Variants in STRA8 observed in about 807,000 individuals in gnomAD.
STRA8 encodes the protein stimulated by retinoic acid 8.
STRA8 carries 18 observed loss-of-function variants against 37.1 expected under a neutral mutation model. The ratio of observed to expected loss-of-function variants is 0.48; its 90% CI spans 0.34 to 0.72. The LOEUF (loss-of-function observed/expected upper bound fraction) is 0.72, where lower values mean the gene tolerates loss of function less well. Among genes scored for constraint, STRA8 ranks in the 30% least tolerant of loss-of-function variants. The pLI, the probability that STRA8 is intolerant of heterozygous loss-of-function variation, is 0.01. For synonymous variants in STRA8, 168 were observed against 162.9 expected (o/e 1.03, Z -0.24); for missense variants, 357 against 410.4 (o/e 0.87, Z 1.13).
intron 1 of STRA8, among the ~76,000 whole-genome samples, chr7:135,235,533 C>T (rs1434432125): frequency 6.6e-6 from 1 of 151,836 alleles, no homozygotes. Context: ...CCTCCAACTC[C>T]TGGGTTCAAG....
chr7:135,236,425 C>CTCATCCCA (rs1302439510), intron 1 of STRA8, among the ~76,000 whole-genome samples: 1 of 152,172 alleles, frequency 6.6e-6, no homozygotes, highest in African/African-American at 2.4e-5. Flanking sequence ...CCTTTACCAG[C>CTCATCCCA]TCATCCCATC....
chr7:135,233,054 T>C (rs1394917021), upstream of STRA8, among the ~76,000 whole-genome samples: 1 of 152,128 alleles, frequency 6.6e-6, no homozygotes, highest in Non-Finnish European at 1.5e-5. Context: ...GTCAACCAGA[T>C]ATAGTGGGAT....
At chr7:135,239,816 G>C (rs1018247826) in intron 1 of STRA8, among the ~76,000 whole-genome samples, 1 of 151,960 alleles carries the variant, frequency 6.6e-6, no homozygotes, top group African/African-American at 2.4e-5. Context: ...AGGCAAAATG[G>C]GTTTCAGTTC....
At chr7:135,245,050 C>T (rs545507586) in intron 4 of STRA8, among the ~76,000 whole-genome samples, 12 of 152,226 alleles carry the variant, frequency 7.9e-5, no homozygotes, top group African/African-American at 2.9e-4. Flanking sequence ...GCTTTTTCTG[C>T]ATCTATTGAG....
intron 2 of STRA8, among the ~76,000 whole-genome samples, 197 bp downstream of exon 2, chr7:135,240,913 G>A (rs1477838577): frequency 6.6e-6 from 1 of 152,152 alleles, no homozygotes; most frequent in East Asian, 1.9e-4. Flanking sequence ...TGAAGTCCAA[G>A]ACAAAGGTGC....
Position 135,258,463 on chromosome 7 carries a change from A to C in STRA8, c.1111A>C (p.Thr371Pro). Residue 371 changes from threonine (T) to proline (P), a missense_variant, in exon 9 of 9, where the codon ACA becomes CCA. Transcript: ENST00000662584. ...TGAAGAGATGATCATGTTGCAGTGC[A>C]CAGAGACCTTTGACGATGAAGATTT... The part of the protein sequence containing the change: ...VDEEMIMLQC[T>P]ETFDDEDL The C allele has an allele frequency of 6.2e-7, 1 of 1,606,432 alleles. No individual in the cohort carries two copies. Among genetic ancestry groups the C allele is most frequent in the Non-Finnish European group, 8.5e-7 (1 of 1,176,316 alleles).
chr7:135,258,585 C>T lies in STRA8; in HGVS notation c.*93C>T. The T allele has an allele frequency of 1.0e-6, 1 of 1,001,030 alleles. No individual in the cohort carries two copies. The allele number at this position is 1,001,030 out of a possible 1,614,324, so 62.0% of individuals were successfully genotyped here. On this transcript the variant is annotated 3_prime_UTR_variant, in exon 9 of 9. Transcript: ENST00000662584. ...GCTAAGGTTGCACCTGCCTTGGCCT[C>T]CAGGACTCTTTGGAGTGGGTTGTTC... is the stretch of plus-strand genomic sequence containing the variant.
intron 4 of STRA8, among the ~76,000 whole-genome samples, chr7:135,244,692 CCCT>C (rs1168321151): frequency 6.6e-6 from 1 of 152,130 alleles, no homozygotes; most frequent in African/African-American, 2.4e-5. Context: ...TTGCTAAATT[CCCT>C]TCTTGGTTCT....
chr7:135,246,220 G>A lies in STRA8; in HGVS notation c.594-197G>A. The A allele has an allele frequency of 1.4e-6, 1 of 720,786 alleles. No individual in the cohort carries two copies. The highest frequency in any genetic ancestry group is 2.7e-5 in the East Asian group (1 of 36,688). 44.6% of individuals were successfully genotyped at this position (720,786 alleles called of 1,614,324 possible). On this transcript the variant is annotated intron_variant, in intron 5 of 8. Coordinates refer to ENST00000662584, the MANE Select transcript of STRA8 (RefSeq NM_001394401.1). This position sits in a 1 kb window ranked among gnomAD's most constrained non-coding sequence, Gnocchi z 5.4. ...CTTGGGGAGGGGCCCCAAAGCCCAA[G>A]TCTATGTCCTTCATGGCCCCCAGGA...
intron 2 of STRA8, among the ~76,000 whole-genome samples, chr7:135,241,457 C>T (rs949286092): frequency 1.3e-5 from 2 of 152,214 alleles, no homozygotes; most frequent in Non-Finnish European, 2.9e-5. Context: ...CCCCCAGCTG[C>T]TTTGGGGTCC....
chr7:135,240,435 C>A (rs1288150537), intron 1 of STRA8, 84 bp from the exon 2 acceptor site: 1 of 1,392,994 alleles, frequency 7.2e-7, no homozygotes, highest in Non-Finnish European at 9.9e-7. Context: ...CTCCTTTCTG[C>A]CTGCCTCAAT....
chr7:135,237,089 T>A (rs1585466220), intron 1 of STRA8, among the ~76,000 whole-genome samples: 3 of 152,056 alleles, frequency 2.0e-5, no homozygotes, highest in African/African-American at 7.3e-5. Context: ...TGGCTCTAGA[T>A]CCATAGAAAC....
Position 135,258,601 on chromosome 7 carries a change from T to A in STRA8, c.*109T>A. On this transcript the variant is annotated 3_prime_UTR_variant, in exon 9 of 9. Coordinates refer to ENST00000662584, the MANE Select transcript of STRA8 (RefSeq NM_001394401.1). ...CCTTGGCCTCCAGGACTCTTTGGAG[T>A]GGGTTGTTCCAGAAGCATTTTGATG... 1 of 810,592 alleles carries A rather than the reference T, an allele frequency of 1.2e-6. No homozygotes were observed. Among genetic ancestry groups the A allele is most frequent in the Non-Finnish European group, 2.0e-6 (1 of 507,238 alleles). The allele number at this position is 810,592 out of a possible 1,614,324, so 50.2% of individuals were successfully genotyped here. A position where few individuals can be genotyped will look rare whatever the true frequency, so the allele number is the denominator to read the frequency against.
At chr7:135,251,538 C>T (rs1376562630) in intron 6 of STRA8, among the ~76,000 whole-genome samples, 2 of 152,204 alleles carry the variant, frequency 1.3e-5, no homozygotes, top group African/African-American at 2.4e-5. Flanking sequence ...CAAGAGGAAT[C>T]ACAATCCCCA....
Position 135,246,177 on chromosome 7 carries a change from G to T in STRA8, c.594-240G>T, listed in dbSNP as rs750981130. The T allele has an allele frequency of 1.7e-6, 1 of 580,340 alleles. No individual in the cohort carries two copies. Among genetic ancestry groups the T allele is most frequent in the Non-Finnish European group, 3.1e-6 (1 of 326,074 alleles). The allele number at this position is 580,340 out of a possible 1,614,324, so 35.9% of individuals were successfully genotyped here. A position where few individuals can be genotyped will look rare whatever the true frequency, so the allele number is the denominator to read the frequency against. ...TCTGTCTAACACAGAAGGCTTCATGGGGCAGGGACTGGGAGAACTTGGGGA... is the reference window on the plus strand; with the variant it reads ...TCTGTCTAACACAGAAGGCTTCATGTGGCAGGGACTGGGAGAACTTGGGGA... On this transcript the variant is annotated intron_variant, in intron 5 of 8. Transcript: ENST00000662584. This position sits in a 1 kb window ranked among gnomAD's most constrained non-coding sequence, Gnocchi z 5.4.
In STRA8 at chr7:135,240,623, G is replaced by A; in HGVS notation, c.99G>A (p.Arg33=). The change falls in exon 2 of 9, where the codon CGG becomes CGA. Residue 33 remains arginine (R), a synonymous_variant. Coordinates refer to ENST00000662584, the MANE Select transcript of STRA8 (RefSeq NM_001394401.1). The part of the protein sequence containing the change: ...QELEHRVARR[R]LSQARHRATL... ...TTGAGCATCGGGTGGCCCGGAGACGGCTGTCCCAGGCCCGCCACCGAGCCA... is the reference window on the plus strand; with the variant it reads ...TTGAGCATCGGGTGGCCCGGAGACGACTGTCCCAGGCCCGCCACCGAGCCA... The A allele has an allele frequency of 6.2e-7, 1 of 1,614,140 alleles. No individual in the cohort carries two copies. Among genetic ancestry groups the A allele is most frequent in the Non-Finnish European group, 8.5e-7 (1 of 1,180,040 alleles).
At chr7:135,235,593 C>T (rs749389613) in intron 1 of STRA8, among the ~76,000 whole-genome samples, 1 of 152,060 alleles carries the variant, frequency 6.6e-6, no homozygotes, top group African/African-American at 2.4e-5. Flanking sequence ...AGTTGCTTGC[C>T]ACCACGCCAG....
At chr7:135,249,014 G>A (rs1204099922) in intron 6 of STRA8, among the ~76,000 whole-genome samples, 1 of 152,146 alleles carries the variant, frequency 6.6e-6, no homozygotes, top group African/African-American at 2.4e-5. Context: ...TGTATGAAAG[G>A]GCAGCCAAAC....
chr7:135,242,887 C>T, intron 3 of STRA8, 31 bp downstream of exon 3: 1 of 1,605,694 alleles, frequency 6.2e-7, no homozygotes, highest in East Asian at 2.2e-5. Flanking sequence ...AACCCCATCT[C>T]CCTCCCTGGA....
Sources: gnomAD v4.1 joint callset for allele counts (sites outside exome capture counted in the v4.1 genomes callset) on GRCh38, gnomAD v4.1.1 for gene constraint, Gnocchi (gnomAD v3.1) non-coding constraint, MANE v1.5 for transcripts, NCBI Gene and HGNC (gene_info 2026-07-23, HGNC 2026-07-21) for gene names.